Variants in RANBP17 observed in about 807,000 individuals in gnomAD.
RANBP17 encodes the protein ran-binding protein 17.
RANBP17 carries 158 observed loss-of-function variants against 141.2 expected under a neutral mutation model. The observed-to-expected ratio is 1.12, with a 90% CI of 0.98 to 1.28. The LOEUF (loss-of-function observed/expected upper bound fraction) is 1.28, where lower values mean the gene tolerates loss of function less well. Ranked by LOEUF, RANBP17 falls within the 50% of genes most tolerant of loss-of-function variation. RANBP17 has a pLI of 0.00. For synonymous variants in RANBP17, 430 were observed against 450.0 expected, an observed-to-expected ratio of 0.96 and a Z score of 0.56; for missense variants, 1,438 against 1,290.7, an observed-to-expected ratio of 1.11 and a Z score of -1.75.
chr5:171,213,884 A>G (rs1763060130), intron 21 of RANBP17, 146 bp downstream of exon 21: 1 of 665,542 alleles, frequency 1.5e-6, no homozygotes, highest in Admixed American at 2.4e-5. Context: ...TGAAAACAGA[A>G]TTAGAGACAT....
At chr5:171,251,776 C>T (rs1238534178) in intron 24 of RANBP17, 12 of 1,077,128 alleles carry the variant, frequency 1.1e-5, no homozygotes, top group Admixed American at 1.8e-5. Flanking sequence ...CGCCCGCCCC[C>T]GCCTCTGTGA....
Position 170,914,209 on chromosome 5 carries a change from A to G in RANBP17, c.803A>G (p.Tyr268Cys), listed in dbSNP as rs1295648212. The G allele has an allele frequency of 3.7e-6, 6 of 1,610,112 alleles. No individual in the cohort carries two copies. Among genetic ancestry groups the G allele is most frequent in the Middle Eastern group, 3.3e-4 (2 of 6,062 alleles). ...ACATTGGATCTTTTCTTCAATTTGT[A>G]TCATTCACTTCCACCACTACTATCT... ...PETLDLFFNL[Y>C]HSLPPLLSQL... Residue 268 changes from tyrosine (Y) to cysteine (C), a missense_variant, in exon 8 of 28, where the codon TAT becomes TGT. Physicochemically the swap from Tyr to Cys is radical, Grantham distance 194. Coordinates refer to ENST00000523189, the MANE Select transcript of RANBP17 (RefSeq NM_022897.5).
At chr5:171,104,440 GT>G (rs1313940429) in intron 14 of RANBP17, among the ~76,000 whole-genome samples, 1 of 152,186 alleles carries the variant, frequency 6.6e-6, no homozygotes, top group African/African-American at 2.4e-5. Context: ...AGTCAAAATA[GT>G]TTTCATGTAG....
At chr5:171,000,577 T>A (rs1313480773) in intron 14 of RANBP17, among the ~76,000 whole-genome samples, 1 of 152,178 alleles carries the variant, frequency 6.6e-6, no homozygotes, top group Non-Finnish European at 1.5e-5. Flanking sequence ...CACGCATCCG[T>A]GTCATGCGCG....
At chr5:171,003,023 T>C (rs572068850) in intron 14 of RANBP17, among the ~76,000 whole-genome samples, 18 of 152,254 alleles carry the variant, frequency 1.2e-4, no homozygotes, top group African/African-American at 2.6e-4. Flanking sequence ...TTGGAAGTTA[T>C]GAGAACTGTA....
chr5:171,019,845 A>G (rs747889751), intron 14 of RANBP17, among the ~76,000 whole-genome samples: 1 of 151,894 alleles, frequency 6.6e-6, no homozygotes, highest in Non-Finnish European at 1.5e-5. Context: ...TTTCCTCTCT[A>G]GCTGTTTTAA....
intron 20 of RANBP17, chr5:171,207,840 T>A (rs1434878746): frequency 6.6e-6 from 1 of 152,232 alleles, no homozygotes; most frequent in African/African-American, 2.4e-5. Flanking sequence ...TAGTAAAATT[T>A]GTTTAAAAGT....
In RANBP17 at chr5:171,089,633, C is replaced by T. The variant is rs370987736; in HGVS notation, c.1711-80497C>T. On this transcript the variant is annotated intron_variant, in intron 14 of 27. Transcript: ENST00000523189. Reference sequence around the variant, plus strand: ...GAGATTCCGTGGGCGTAGGACCCTCCGAGCCAGGTGTGGGATATAATCTCG... The same window carrying T: ...GAGATTCCGTGGGCGTAGGACCCTCTGAGCCAGGTGTGGGATATAATCTCG... 1.2e-4 allele frequency among the ~76,000 whole-genome samples: 18 copies of T among 152,272 alleles called. No homozygotes were observed. In the South Asian group the frequency reaches 1.2e-3, roughly 11 times the overall value.
chr5:170,888,821 T>C (rs1769369475), intron 3 of RANBP17, among the ~76,000 whole-genome samples: 1 of 152,156 alleles, frequency 6.6e-6, no homozygotes, highest in Non-Finnish European at 1.5e-5. Flanking sequence ...AATATGATTT[T>C]AGCTGTAGGT....
chr5:170,919,510 C>A lies in RANBP17; in HGVS notation c.1171C>A (p.Pro391Thr). The A allele has an allele frequency of 1.2e-6, 2 of 1,611,788 alleles. No individual in the cohort carries two copies. The highest frequency in any genetic ancestry group is 1.7e-6 in the Non-Finnish European group (2 of 1,178,854). ...TLWQRMVASV[P>T]FVKSTEPHLL... Reference sequence around the variant, plus strand: ...GTGGCAAAGGATGGTAGCATCTGTTCCTTTTGTGAAATCAACTGAACCCCA... The same window carrying A: ...GTGGCAAAGGATGGTAGCATCTGTTACTTTTGTGAAATCAACTGAACCCCA... Residue 391 changes from proline to threonine, a missense_variant, in exon 11 of 28, where the codon CCT becomes ACT. Physicochemically the swap from Pro to Thr is conservative, Grantham distance 38. Coordinates refer to ENST00000523189, the MANE Select transcript of RANBP17 (RefSeq NM_022897.5).
rs1345262934 is a variant in RANBP17, at chr5:170,872,678, T to C, written c.19-5419T>C. Among the ~76,000 whole-genome samples the C allele has an allele frequency of 3.3e-5, 5 of 152,204 alleles. No homozygotes were observed. The East Asian group carries it at 5.8e-4, about 18-fold the overall frequency. ...AAATAGCTCTTATTATTTTAAGATA[T>C]ATTCCATCAATACCTAGTTTATTAA... On this transcript the variant is annotated intron_variant, in intron 1 of 27. Coordinates refer to ENST00000523189, the MANE Select transcript of RANBP17 (RefSeq NM_022897.5).
intron 3 of RANBP17, among the ~76,000 whole-genome samples, chr5:170,885,175 G>C (rs1769040830): frequency 6.6e-6 from 1 of 152,112 alleles, no homozygotes; most frequent in Admixed American, 6.5e-5. Flanking sequence ...ATAGTATACA[G>C]TAGGTTAAGA....
intron 24 of RANBP17, among the ~76,000 whole-genome samples, chr5:171,244,889 G>C (rs1765118186): frequency 6.6e-6 from 1 of 152,088 alleles, no homozygotes; most frequent in African/African-American, 2.4e-5. Context: ...ACTTTGGGAG[G>C]CCGAGCTGGG....
chr5:171,252,006 A>G (rs1765603881), intron 24 of RANBP17: 1 of 1,608,734 alleles, frequency 6.2e-7, no homozygotes, highest in African/African-American at 1.3e-5. Flanking sequence ...CATTTCGGGA[A>G]ACAGTTCTTG....
At chr5:171,106,787 T>C (rs1400539370) in intron 14 of RANBP17, among the ~76,000 whole-genome samples, 1 of 152,166 alleles carries the variant, frequency 6.6e-6, no homozygotes, top group East Asian at 1.9e-4. Context: ...GAAATTTTTT[T>C]TAATGTTTGG....
At chr5:171,098,449 C>G (rs1025139561) in intron 14 of RANBP17, among the ~76,000 whole-genome samples, 2 of 152,140 alleles carry the variant, frequency 1.3e-5, no homozygotes, top group African/African-American at 2.4e-5. Context: ...TGAGAAGTGT[C>G]TGTTCATATC....
intron 1 of RANBP17, among the ~76,000 whole-genome samples, chr5:170,872,313 T>G (rs997061957): frequency 6.6e-6 from 1 of 152,198 alleles, no homozygotes; most frequent in African/African-American, 2.4e-5. Context: ...GGCTGTCTGC[T>G]TGTCTATTGT....
At chr5:171,142,299 G>A (rs974904929) in intron 14 of RANBP17, among the ~76,000 whole-genome samples, 7 of 152,226 alleles carry the variant, frequency 4.6e-5, no homozygotes, top group Middle Eastern at 3.4e-3. Flanking sequence ...CTGCCAAAAT[G>A]TAGTTTCAAA....
chr5:171,271,348 A>G (rs1446193964), intron 25 of RANBP17: 2 of 211,466 alleles, frequency 9.5e-6, no homozygotes, highest in African/African-American at 4.5e-5. Context: ...CTGAAATGAT[A>G]TTGCTCAACA....
Sources: gnomAD v4.1 joint callset for allele counts (sites outside exome capture counted in the v4.1 genomes callset) on GRCh38, gnomAD v4.1.1 for gene constraint, MANE v1.5 for transcripts, NCBI Gene and HGNC (gene_info 2026-07-23, HGNC 2026-07-21) for gene names.